INPP4B: variants seen among roughly 807,000 people sequenced by gnomAD.
INPP4B encodes the protein inositol polyphosphate 4-phosphatase type II.
Under a neutral mutation model 122.5 loss-of-function variants are expected in INPP4B, and 55 were observed. The ratio of observed to expected loss-of-function variants is 0.45; its 90% confidence interval spans 0.36 to 0.56. The LOEUF is 0.56. Among genes scored for constraint, INPP4B ranks in the 20% least tolerant of loss-of-function variants. The probability of loss-of-function intolerance (pLI) is 0.00; values close to 1 mark genes in which losing one functional copy is unlikely to be tolerated. For missense variants in INPP4B, 1,000 were observed against 1,097.7 expected, an observed-to-expected ratio of 0.91 and a Z score of 1.26; for synonymous variants, 403 against 388.7, an observed-to-expected ratio of 1.04 and a Z score of -0.43.
At chr4:142,440,623 A>G (rs1337979987) in intron 3 of INPP4B, among the ~76,000 whole-genome samples, 2 of 152,194 alleles carry the variant, frequency 1.3e-5, no homozygotes, top group Non-Finnish European at 2.9e-5. Context: ...TACAAGCCCT[A>G]TTAACCCCCT....
intron 25 of INPP4B, among the ~76,000 whole-genome samples, chr4:142,061,285 ATGT>A (rs1760496146): frequency 6.6e-6 from 1 of 152,204 alleles, no homozygotes; most frequent in Non-Finnish European, 1.5e-5. Flanking sequence ...TCTGTCAGTG[ATGT>A]TGTAAAAAGA....
intron 22 of INPP4B, among the ~76,000 whole-genome samples, chr4:142,110,402 C>G (rs1040533387): frequency 6.6e-6 from 1 of 151,992 alleles, no homozygotes; most frequent in East Asian, 1.9e-4. Context: ...TTACAGCAGC[C>G]CAAGCAGACT....
intron 1 of INPP4B, among the ~76,000 whole-genome samples, chr4:142,834,317 G>C (rs1782523568): frequency 6.6e-6 from 1 of 152,138 alleles, no homozygotes; most frequent in African/African-American, 2.4e-5. Flanking sequence ...GGATGTTCAG[G>C]TAACACTCAA....
At chr4:142,671,498 T>C (rs933574983) in intron 2 of INPP4B, among the ~76,000 whole-genome samples, 1 of 152,168 alleles carries the variant, frequency 6.6e-6, no homozygotes, top group Non-Finnish European at 1.5e-5. Context: ...TATAGACTTG[T>C]TGCAACTGGC....
intron 1 of INPP4B, among the ~76,000 whole-genome samples, chr4:142,821,824 G>C (rs542729095): frequency 1.4e-4 from 21 of 152,266 alleles, no homozygotes; most frequent in African/African-American, 4.8e-4. Context: ...CTGTATTTCA[G>C]TTTAGACACA....
At chr4:142,393,393 A>G (rs1030142856) in intron 7 of INPP4B, among the ~76,000 whole-genome samples, 11 of 152,222 alleles carry the variant, frequency 7.2e-5, no homozygotes, top group Non-Finnish European at 1.5e-4. Flanking sequence ...AGAACAGACC[A>G]GGTTTGGTTT....
At chr4:142,029,096 C>A in intron 25 of INPP4B, 182 bp from the exon 26 acceptor site, 1 of 1,335,806 alleles carries the variant, frequency 7.5e-7, no homozygotes, top group Non-Finnish European at 9.5e-7. Flanking sequence ...GGCCCAATAC[C>A]ATTATTGCCC....
At chr4:142,232,756 CAA>C (rs1477587570) in intron 12 of INPP4B, among the ~76,000 whole-genome samples, 1 of 151,890 alleles carries the variant, frequency 6.6e-6, no homozygotes, top group Non-Finnish European at 1.5e-5. Context: ...GTTGTGAATG[CAA>C]AGAAAAAGTT....
chr4:142,553,302 C>T (rs936900501), intron 2 of INPP4B, among the ~76,000 whole-genome samples: 2 of 152,188 alleles, frequency 1.3e-5, no homozygotes, highest in East Asian at 3.9e-4. Flanking sequence ...CTTTTGAAAC[C>T]TAGACTTATG....
intron 2 of INPP4B, among the ~76,000 whole-genome samples, chr4:142,683,889 A>C (rs1293086453): frequency 6.6e-6 from 1 of 151,846 alleles, no homozygotes; most frequent in South Asian, 2.1e-4. Context: ...TCACAGAATA[A>C]TTGGTGTTTG....
At chr4:142,064,196 C>A (rs1308969313) in intron 25 of INPP4B, among the ~76,000 whole-genome samples, 4 of 152,138 alleles carry the variant, frequency 2.6e-5, no homozygotes, top group Non-Finnish European at 5.9e-5. Flanking sequence ...AACATCAAAT[C>A]TTTTATTATT....
chr4:142,556,969 C>G (rs1374559385), intron 2 of INPP4B, among the ~76,000 whole-genome samples: 1 of 152,156 alleles, frequency 6.6e-6, no homozygotes, highest in Non-Finnish European at 1.5e-5. Context: ...AAAACCGATA[C>G]AGCACAAAGC....
intron 25 of INPP4B, among the ~76,000 whole-genome samples, chr4:142,060,927 C>T (rs1024029961): frequency 4.6e-5 from 7 of 152,066 alleles, no homozygotes; most frequent in East Asian, 1.9e-4. Flanking sequence ...TGATTTTGCT[C>T]GTAATTACTT....
At chr4:142,042,508 A>ATGTGTGTGTGTG (rs368600069) in intron 25 of INPP4B, among the ~76,000 whole-genome samples, 20 of 142,432 alleles carry the variant, frequency 1.4e-4, no homozygotes, top group African/African-American at 5.4e-4. Context: ...CTGCCAATTT[A>ATGTGTGTGTGTG]TGTGTGTGTG....
chr4:142,412,140 G>T (rs1804732302), intron 5 of INPP4B, among the ~76,000 whole-genome samples: 1 of 152,002 alleles, frequency 6.6e-6, no homozygotes, highest in African/African-American at 2.4e-5. Flanking sequence ...AGCCAATTTA[G>T]GTTATGTTTC....
intron 2 of INPP4B, among the ~76,000 whole-genome samples, chr4:142,626,481 A>C (rs534286693): frequency 6.6e-6 from 1 of 152,158 alleles, no homozygotes; most frequent in Non-Finnish European, 1.5e-5. Flanking sequence ...CCAACAGCCC[A>C]CAAAAAAGCA....
intron 2 of INPP4B, among the ~76,000 whole-genome samples, chr4:142,556,099 T>C (rs536421774): frequency 1.3e-4 from 20 of 152,272 alleles, no homozygotes; most frequent in South Asian, 1.0e-3. Context: ...CAGAACTTCA[T>C]TGTGTTACAA....
intron 16 of INPP4B, among the ~76,000 whole-genome samples, chr4:142,171,220 CA>C (rs1268947345): frequency 6.6e-6 from 1 of 151,778 alleles, no homozygotes; most frequent in Non-Finnish European, 1.5e-5. Flanking sequence ...CCCAAGTCTA[CA>C]ACAGTAAACT....
chr4:142,223,781 G>T (rs1850366044), intron 12 of INPP4B, among the ~76,000 whole-genome samples: 1 of 152,092 alleles, frequency 6.6e-6, no homozygotes, highest in South Asian at 2.1e-4. Context: ...ATGAACAGAA[G>T]AAATAATATT....
Sources: gnomAD v4.1 joint callset for allele counts (sites outside exome capture counted in the v4.1 genomes callset) on GRCh38, gnomAD v4.1.1 for gene constraint, MANE v1.5 for transcripts, NCBI Gene and HGNC (gene_info 2026-07-23, HGNC 2026-07-21) for gene names.